IFT74: variants seen among roughly 807,000 people sequenced by gnomAD.
IFT74 encodes intraflagellar transport 74, also known as intraflagellar transport protein 74 homolog.
IFT74 carries 92 observed loss-of-function variants against 96.7 expected under a neutral mutation model. The observed-to-expected ratio is 0.95, with a 90% CI of 0.80 to 1.13. The LOEUF is 1.13. Among genes scored for constraint, IFT74 ranks in the 50% most tolerant of loss-of-function variants. IFT74 has a pLI of 0.00. For missense variants in IFT74, 811 were observed against 698.2 expected (o/e 1.16, Z -1.82); for synonymous variants, 223 against 213.2 (o/e 1.05, Z -0.40).
chr9:26,999,511 G>T, intron 8 of IFT74: 1 of 789,476 alleles, frequency 1.3e-6, no homozygotes, highest in Non-Finnish European at 2.0e-6. Context: ...AATTTTAGTA[G>T]GTCAGATTTT....
At chr9:26,963,724 G>T (rs1204003509) in intron 2 of IFT74, among the ~76,000 whole-genome samples, 12 of 152,102 alleles carry the variant, frequency 7.9e-5, no homozygotes, top group African/African-American at 1.4e-4. Flanking sequence ...GATGAGCATT[G>T]TTTCATGTGT....
chr9:27,042,692 G>T (rs1024148717), intron 13 of IFT74, among the ~76,000 whole-genome samples: 1 of 152,134 alleles, frequency 6.6e-6, no homozygotes, highest in Non-Finnish European at 1.5e-5. Flanking sequence ...TAGGATCCAG[G>T]CCTCCCTCCT....
chr9:27,041,857 A>G (rs529367100), intron 13 of IFT74, among the ~76,000 whole-genome samples: 1 of 152,262 alleles, frequency 6.6e-6, no homozygotes, highest in East Asian at 1.9e-4. Context: ...CTTCTTAGCA[A>G]TAGTGATATT....
At chr9:27,012,026 C>A in intron 10 of IFT74, 58 bp downstream of exon 10, 2 of 1,050,126 alleles carry the variant, frequency 1.9e-6, no homozygotes, top group South Asian at 1.6e-5. Flanking sequence ...GTTAATTCAG[C>A]CAAGTATATT....
Position 27,029,076 on chromosome 9 carries a change from A to T in IFT74, c.1026A>T (p.Gln342His), listed in dbSNP as rs780841355. ...ATCAGTTTATTGAAGAAATTAGACA[A>T]CTTGACATGGATTTAGAGGAACACC... is the stretch of plus-strand genomic sequence containing the variant. ...KINQFIEEIR[Q>H]LDMDLEEHQG... The change falls in exon 13 of 20, where the codon CAA (glutamine) becomes CAT (histidine). Residue 342 changes from glutamine (Q) to histidine (H), a missense_variant. Gln to His is a conservative substitution (Grantham distance 24). Transcript: ENST00000380062. 6.2e-7 allele frequency: 1 copy of T among 1,603,192 alleles called. No homozygotes were observed. The highest frequency in any genetic ancestry group is 1.1e-5 in the South Asian group (1 of 88,530).
chr9:27,003,526 A>C (rs1321321909), intron 8 of IFT74, among the ~76,000 whole-genome samples: 2 of 151,584 alleles, frequency 1.3e-5, no homozygotes, highest in African/African-American at 4.9e-5. Flanking sequence ...CTGTCTCAGA[A>C]AAAAAAAAGA....
intron 8 of IFT74, chr9:26,993,028 A>G (rs1827957020): frequency 6.6e-6 from 1 of 152,194 alleles, no homozygotes; most frequent in Admixed American, 6.5e-5. Context: ...ATTCAGTTTC[A>G]CAGTCTTGCT....
intron 5 of IFT74, 29 bp from the exon 6 acceptor site, chr9:26,984,470 T>A: frequency 6.3e-7 from 1 of 1,597,560 alleles, no homozygotes; most frequent in Non-Finnish European, 8.6e-7. Flanking sequence ...ATGTACATAT[T>A]TATGAATGTA....
chr9:27,023,353 G>A (rs564206420), intron 12 of IFT74, among the ~76,000 whole-genome samples: 130 of 152,132 alleles, frequency 8.5e-4, no homozygotes, highest in Middle Eastern at 6.8e-3. Context: ...ATTTTGCTGA[G>A]GGTTTTAATC....
chr9:26,964,772 A>ATAT (rs1312215825), intron 2 of IFT74, among the ~76,000 whole-genome samples: 13 of 152,214 alleles, frequency 8.5e-5, no homozygotes, highest in Admixed American at 6.5e-4. Flanking sequence ...AATAAGAAAA[A>ATAT]GTACAGTACT....
chr9:26,998,031 T>A (rs1828257981), intron 8 of IFT74: 7 of 1,613,754 alleles, frequency 4.3e-6, no homozygotes, highest in Non-Finnish European at 5.9e-6. Context: ...ATTTCTAGAC[T>A]GGAGAGGTTA....
chr9:26,988,704 A>T lies in IFT74; in HGVS notation c.501A>T (p.Glu167Asp). ...AACTTAATACCAACACTGAAATGGA[A>T]GAAGTAATGAATGATTACAATATGG... ...VDKLNTNTEM[E>D]EVMNDYNMLK... The change falls in exon 7 of 20, where the codon GAA becomes GAT. Residue 167 changes from glutamate (E) to aspartate (D), a missense_variant. Transcript: ENST00000380062. The T allele has an allele frequency of 6.5e-7, 1 of 1,543,810 alleles. No individual in the cohort carries two copies. Among genetic ancestry groups the T allele is most frequent in the East Asian group, 2.3e-5 (1 of 43,918 alleles).
chr9:26,966,074 C>G (rs1192069989), intron 2 of IFT74, among the ~76,000 whole-genome samples: 4 of 151,668 alleles, frequency 2.6e-5, no homozygotes, highest in Non-Finnish European at 5.9e-5. Flanking sequence ...TTACGTAGCC[C>G]TCCATCTCCA....
chr9:27,045,897 A>C (rs1332092905), intron 14 of IFT74, among the ~76,000 whole-genome samples: 3 of 152,198 alleles, frequency 2.0e-5, no homozygotes, highest in East Asian at 3.8e-4. Context: ...GTGTAAAATC[A>C]AGGAACAATG....
intron 13 of IFT74, among the ~76,000 whole-genome samples, chr9:27,042,543 T>C (rs182137059): frequency 6.6e-6 from 1 of 152,312 alleles, no homozygotes; most frequent in Admixed American, 6.5e-5. Context: ...AACAATTTCA[T>C]TGGAACAGGA....
At chr9:26,969,458 T>TAGC (rs1826784600) in intron 2 of IFT74, among the ~76,000 whole-genome samples, 1 of 152,062 alleles carries the variant, frequency 6.6e-6, no homozygotes, top group Admixed American at 6.5e-5. Flanking sequence ...CTTTTAGGGC[T>TAGC]TGATACGTTT....
chr9:27,026,211 T>G (rs1172678252), intron 12 of IFT74, among the ~76,000 whole-genome samples: 1 of 152,056 alleles, frequency 6.6e-6, no homozygotes, highest in Non-Finnish European at 1.5e-5. Context: ...AAACAGACTT[T>G]AACAACAATT....
chr9:26,989,377 T>C (rs892587544), intron 7 of IFT74, among the ~76,000 whole-genome samples: 2 of 152,148 alleles, frequency 1.3e-5, no homozygotes, highest in Admixed American at 6.6e-5. Context: ...AACAAATTTG[T>C]ATTCAATGTT....
intron 17 of IFT74, among the ~76,000 whole-genome samples, chr9:27,055,989 A>G (rs965075027): frequency 6.6e-6 from 1 of 152,158 alleles, no homozygotes; most frequent in Admixed American, 6.5e-5. Context: ...ATAAGCTGCT[A>G]CTTAATACAG....
Sources: gnomAD v4.1 joint callset for allele counts (sites outside exome capture counted in the v4.1 genomes callset) on GRCh38, gnomAD v4.1.1 for gene constraint, MANE v1.5 for transcripts, NCBI Gene and HGNC (gene_info 2026-07-23, HGNC 2026-07-21) for gene names.